Variants in MAP4K5 observed in about 807,000 individuals in gnomAD.
The protein encoded by MAP4K5 is mitogen-activated protein kinase kinase kinase kinase 5.
Under a neutral mutation model 135.6 loss-of-function variants are expected in MAP4K5, and 82 were observed. The ratio of observed to expected loss-of-function variants is 0.60; its 90% CI spans 0.51 to 0.73. The LOEUF (loss-of-function observed/expected upper bound fraction) is 0.73, where lower values mean the gene tolerates loss of function less well. Ranked by LOEUF, MAP4K5 falls within the 30% of genes least tolerant of loss-of-function variation. The probability of loss-of-function intolerance (pLI) is 0.00; values close to 1 mark genes in which losing one functional copy is unlikely to be tolerated. For missense variants in MAP4K5, 907 were observed against 1,010.9 expected, an observed-to-expected ratio of 0.90 and a Z score of 1.39; for synonymous variants, 347 against 335.0, an observed-to-expected ratio of 1.04 and a Z score of -0.39.
intron 1 of MAP4K5, chr14:50,560,299 G>A: frequency 6.2e-7 from 1 of 1,613,922 alleles, no homozygotes; most frequent in South Asian, 1.1e-5. Flanking sequence ...AAACAGTTGG[G>A]GTGAGTAGCA....
intron 2 of MAP4K5, among the ~76,000 whole-genome samples, chr14:50,519,301 A>G (rs987434118): frequency 2.0e-5 from 3 of 152,088 alleles, no homozygotes; most frequent in African/African-American, 7.2e-5. Context: ...AAAAGTTGGG[A>G]ATGTTTATCT....
chr14:50,428,358 C>T (rs1054156432), intron 30 of MAP4K5, among the ~76,000 whole-genome samples: 1 of 152,014 alleles, frequency 6.6e-6, no homozygotes, highest in South Asian at 2.1e-4. Context: ...CGGGTTCAAG[C>T]GATTCTCCTG....
At chr14:50,508,925 T>C (rs544671430) in intron 2 of MAP4K5, among the ~76,000 whole-genome samples, 1 of 152,114 alleles carries the variant, frequency 6.6e-6, no homozygotes, top group Non-Finnish European at 1.5e-5. Context: ...TAAAGACACA[T>C]GCACATGTAT....
intron 6 of MAP4K5, among the ~76,000 whole-genome samples, chr14:50,477,044 G>C (rs887774203): frequency 6.6e-6 from 1 of 152,092 alleles, no homozygotes; most frequent in African/African-American, 2.4e-5. Context: ...TTGTGATTGG[G>C]GTTGCACTGA....
rs552767946 is a variant in MAP4K5, at chr14:50,506,799, T to G, written c.109-1942A>C. ...TCCTCTCTTTCATAGTTATAGTTAC[T>G]TCTCTCCTAACTACGAACACATTTA... On this transcript the variant is annotated intron_variant, in intron 2 of 32. Transcript: ENST00000682126. 7.9e-5 allele frequency among the ~76,000 whole-genome samples: 12 copies of G among 152,338 alleles called. No homozygotes were observed. In the South Asian group the frequency reaches 2.5e-3, roughly 32 times the overall value.
At chr14:50,434,629 AC>A in intron 27 of MAP4K5, 58 bp from the exon 28 acceptor site, 4 of 1,450,902 alleles carry the variant, frequency 2.8e-6, no homozygotes, top group Non-Finnish European at 3.8e-6. Context: ...CATTCATACC[AC>A]TGTTGAATAA....
At chr14:50,548,866 A>G (rs1369609292) in intron 1 of MAP4K5, among the ~76,000 whole-genome samples, 1 of 152,186 alleles carries the variant, frequency 6.6e-6, no homozygotes, top group Non-Finnish European at 1.5e-5. Flanking sequence ...AGCAACAGCT[A>G]TTAGCCATGT....
chr14:50,430,912 A>C (rs1295942755), intron 28 of MAP4K5, among the ~76,000 whole-genome samples: 1 of 152,160 alleles, frequency 6.6e-6, no homozygotes, highest in Non-Finnish European at 1.5e-5. Flanking sequence ...TGCCGGAGTG[A>C]GGGCATTCAT....
chr14:50,459,119 C>A (rs1345051327), intron 13 of MAP4K5, among the ~76,000 whole-genome samples: 1 of 152,152 alleles, frequency 6.6e-6, no homozygotes, highest in Non-Finnish European at 1.5e-5. Flanking sequence ...AGCCTCAAAC[C>A]TGTATTTTTA....
intron 28 of MAP4K5, 59 bp from the exon 29 acceptor site, chr14:50,429,319 A>G (rs2035920176): frequency 2.0e-6 from 2 of 1,012,344 alleles, no homozygotes; most frequent in East Asian, 5.2e-5. Flanking sequence ...CCTAGAAAAT[A>G]AACATAAATT....
chr14:50,501,021 TG>T (rs1457980314), intron 3 of MAP4K5, among the ~76,000 whole-genome samples: 2 of 152,136 alleles, frequency 1.3e-5, no homozygotes, highest in Admixed American at 6.6e-5. Context: ...AGACCAATGG[TG>T]GGTAGTAAAT....
At chr14:50,503,701 A>G (rs1276447079) in intron 3 of MAP4K5, among the ~76,000 whole-genome samples, 1 of 152,086 alleles carries the variant, frequency 6.6e-6, no homozygotes. Context: ...CCCTCAAGTC[A>G]AGTAAGTGAA....
intron 6 of MAP4K5, among the ~76,000 whole-genome samples, chr14:50,481,193 T>A (rs2037234037): frequency 6.6e-6 from 1 of 151,702 alleles, no homozygotes; most frequent in East Asian, 1.9e-4. Flanking sequence ...TATAATTAAG[T>A]TTGTATTTTA....
At position 50,438,001 on chromosome 14, in the gene MAP4K5, G is replaced by T; in HGVS notation, c.1716C>A (p.Thr572=). Residue 572 remains threonine (T), a synonymous_variant, in exon 25 of 33, where the codon ACC becomes ACA. Coordinates refer to ENST00000682126, the MANE Select transcript of MAP4K5 (RefSeq NM_006575.6). The stretch of plus-strand genomic sequence containing the variant: ...TAAGATTGTGAGAGTAGAGCTGAAA[G>T]GTTTTTCCTATAAAAGAAAAACATG... The part of the protein sequence containing the change: ...NTLMSLSEGK[T]FQLYSHNLIA... The T allele has an allele frequency of 6.3e-7, 1 of 1,578,636 alleles. No homozygotes were observed. The highest frequency in any genetic ancestry group is 8.7e-7 in the Non-Finnish European group (1 of 1,148,852).
chr14:50,482,940 CT>C (rs2139914596), intron 5 of MAP4K5: 1 of 152,864 alleles, frequency 6.5e-6, no homozygotes, highest in African/African-American at 2.4e-5. Flanking sequence ...TTCAAATGTA[CT>C]TTAAAAGATT....
intron 3 of MAP4K5, among the ~76,000 whole-genome samples, chr14:50,488,849 T>C (rs1481875836): frequency 6.6e-6 from 1 of 152,194 alleles, no homozygotes; most frequent in African/African-American, 2.4e-5. Context: ...ATTATATTAT[T>C]TGAAACTTTA....
intron 14 of MAP4K5, among the ~76,000 whole-genome samples, chr14:50,454,125 T>C (rs1308880525): frequency 6.6e-6 from 1 of 152,168 alleles, no homozygotes; most frequent in Admixed American, 6.6e-5. Context: ...CACATGACTC[T>C]AACAGACATA....
chr14:50,474,525 TAGAA>T (rs1267254896), intron 9 of MAP4K5, among the ~76,000 whole-genome samples: 5 of 152,138 alleles, frequency 3.3e-5, no homozygotes, highest in Non-Finnish European at 7.4e-5. Context: ...AGCAGTGTTT[TAGAA>T]AGATTATTTT....
At chr14:50,449,090 G>C (rs1308012909) in intron 14 of MAP4K5, 3 of 364,118 alleles carry the variant, frequency 8.2e-6, no homozygotes, top group African/African-American at 2.1e-5. Context: ...TTGTATAAAA[G>C]AGATTTTTAA....
Sources: allele counts gnomAD v4.1 joint callset (sites outside exome capture counted in the v4.1 genomes callset), GRCh38; gene constraint gnomAD v4.1.1; transcripts MANE v1.5; gene names NCBI Gene and HGNC (gene_info 2026-07-23, HGNC 2026-07-21).